The following KIF18A variants were observed in gnomAD, a reference collection of about 807,000 sequenced individuals.
The protein encoded by KIF18A is kinesin-like protein KIF18A.
A neutral mutation model predicts 103.3 loss-of-function variants in KIF18A; 67 were observed. The observed-to-expected ratio is 0.65, with a 90% confidence interval of 0.53 to 0.79. KIF18A has a LOEUF of 0.79. Among genes scored for constraint, KIF18A ranks in the 30% least tolerant of loss-of-function variants. The pLI, the probability that KIF18A is intolerant of heterozygous loss-of-function variation, is 0.00. For synonymous variants in KIF18A, 367 were observed against 355.5 expected (o/e 1.03, Z -0.36); for missense variants, 1,032 against 1,062.5 (o/e 0.97, Z 0.40).
chr11:28,107,121 A>T (rs1418649174), intron 1 of KIF18A, among the ~76,000 whole-genome samples: 3 of 152,350 alleles, frequency 2.0e-5, no homozygotes, highest in African/African-American at 7.2e-5. Context: ...AAGAAGCACT[A>T]TCTAGTCATT....
At position 28,058,285 on chromosome 11, in the gene KIF18A, T is replaced by A. The variant is rs1850807927; in HGVS notation, c.1948+641A>T. Among the ~76,000 whole-genome samples, 4 of 151,696 alleles carry A rather than the reference T, an allele frequency of 2.6e-5. No homozygotes were observed. The South Asian group carries it at 8.3e-4, about 32-fold the overall frequency. On this transcript the variant is annotated intron_variant, in intron 13 of 16. Coordinates refer to ENST00000263181, the MANE Select transcript of KIF18A (RefSeq NM_031217.4). ...ATTATTATCATAAAATATGATATGA[T>A]TAATTATAATTTCCTGCCCTTAATA...
intron 14 of KIF18A, 41 bp downstream of exon 14, chr11:28,036,176 A>G (rs1209955329): frequency 7.6e-7 from 1 of 1,316,492 alleles, no homozygotes; most frequent in Non-Finnish European, 1.0e-6. Flanking sequence ...TTGAAAGTCT[A>G]TGTTAAAAAA....
rs758258412 is a variant in KIF18A at position 28,094,663 on chromosome 11, T to C, written c.463A>G (p.Thr155Ala). ...CTTACCTCCAGATATGAAACTGCAG[T>C]ACTACATATTTTCTCTTCTTTAATC... is the stretch of plus-strand genomic sequence containing the variant. ...DEIKEEKICS[T>A]AVSYLEVYNE... The change falls in exon 3 of 17, where the codon ACT becomes GCT. Residue 155 changes from threonine to alanine, a missense_variant. Transcript: ENST00000263181. The C allele has an allele frequency of 2.5e-6, 4 of 1,610,312 alleles. No homozygotes were observed. The highest frequency in any genetic ancestry group is 1.7e-6 in the Non-Finnish European group (2 of 1,176,626).
intron 10 of KIF18A, among the ~76,000 whole-genome samples, chr11:28,070,761 G>C (rs1240855623): frequency 6.6e-6 from 1 of 152,218 alleles, no homozygotes; most frequent in Non-Finnish European, 1.5e-5. Flanking sequence ...TACAATGCAG[G>C]CTGGGATGGT....
chr11:28,097,027 T>G (rs907625021), intron 2 of KIF18A, among the ~76,000 whole-genome samples: 1 of 152,106 alleles, frequency 6.6e-6, no homozygotes, highest in Non-Finnish European at 1.5e-5. Flanking sequence ...TTTCCAATTT[T>G]TATTTTAGGT....
At chr11:28,102,365 T>C (rs572120610) in intron 1 of KIF18A, among the ~76,000 whole-genome samples, 1 of 152,290 alleles carries the variant, frequency 6.6e-6, no homozygotes, top group East Asian at 1.9e-4. Context: ...TACCTATAGC[T>C]TGGAAGCCCC....
chr11:28,022,375 C>T (rs373314582), intron 16 of KIF18A, among the ~76,000 whole-genome samples: 61 of 152,132 alleles, frequency 4.0e-4, no homozygotes, highest in African/African-American at 1.4e-3. Flanking sequence ...CGCCATTCTC[C>T]TGCCTCAGCT....
chr11:28,067,435 T>A (rs952929210), intron 11 of KIF18A, among the ~76,000 whole-genome samples: 1 of 152,146 alleles, frequency 6.6e-6, no homozygotes, highest in African/African-American at 2.4e-5. Flanking sequence ...CATCATTAAC[T>A]ACTACTGCTA....
At chr11:28,035,348 T>C (rs1449890218) in intron 15 of KIF18A, 39 bp downstream of exon 15, 4 of 1,094,300 alleles carry the variant, frequency 3.7e-6, no homozygotes, top group Non-Finnish European at 5.4e-6. Context: ...GATTATCTTA[T>C]ATAACTACAG....
Position 28,036,455 on chromosome 11 carries a change from C to T in KIF18A, c.2158G>A (p.Val720Ile). Residue 720 changes from valine to isoleucine, a missense_variant, in exon 14 of 17, where the codon GTA (valine) becomes ATA (isoleucine). Physicochemically the swap from Val to Ile is conservative, Grantham distance 29 (BLOSUM62 3). Coordinates refer to ENST00000263181, the MANE Select transcript of KIF18A (RefSeq NM_031217.4). ...AATGATGATGGTTTCATTAAGGTTA[C>T]TGTAGACGGATTTTGAAAAGCTTTT... ...CRKAFQNPST[V>I]TLMKPSSFTT... The T allele has an allele frequency of 6.2e-7, 1 of 1,611,044 alleles. No individual in the cohort carries two copies. The highest frequency in any genetic ancestry group is 8.5e-7 in the Non-Finnish European group (1 of 1,178,038).
intron 15 of KIF18A, among the ~76,000 whole-genome samples, chr11:28,028,155 A>AT (rs2133485318): frequency 6.6e-6 from 1 of 152,174 alleles, no homozygotes; most frequent in East Asian, 1.9e-4. Context: ...TCCCTTTATG[A>AT]TAAAAACTCT....
At chr11:28,073,045 C>A (rs1851041326) in intron 10 of KIF18A, among the ~76,000 whole-genome samples, 1 of 152,104 alleles carries the variant, frequency 6.6e-6, no homozygotes, top group Admixed American at 6.6e-5. Context: ...CTCCTAGCAA[C>A]CAACAATTTC....
intron 1 of KIF18A, among the ~76,000 whole-genome samples, chr11:28,101,100 A>C (rs1376217021): frequency 9.9e-5 from 15 of 152,108 alleles, no homozygotes; most frequent in Admixed American, 8.5e-4. Context: ...CAATGGGCTT[A>C]TGACTAGCAC....
intron 1 of KIF18A, among the ~76,000 whole-genome samples, chr11:28,099,573 C>T (rs1851420161): frequency 6.6e-6 from 1 of 152,198 alleles, no homozygotes; most frequent in East Asian, 1.9e-4. Flanking sequence ...ATCCTATAAA[C>T]TTACACATTT....
intron 11 of KIF18A, 120 bp from the exon 12 acceptor site, chr11:28,062,636 T>G: frequency 1.4e-6 from 1 of 733,304 alleles, no homozygotes; most frequent in Non-Finnish European, 1.9e-6. Context: ...AAATAATATG[T>G]TTAGAAACAA....
chr11:28,090,161 T>C (rs902185780), intron 5 of KIF18A, among the ~76,000 whole-genome samples: 5 of 152,190 alleles, frequency 3.3e-5, no homozygotes, highest in African/African-American at 1.2e-4. Flanking sequence ...TAGCTCTTTC[T>C]GGAATTGTAT....
chr11:28,022,875 C>G (rs1850264644), intron 16 of KIF18A, among the ~76,000 whole-genome samples: 1 of 152,154 alleles, frequency 6.6e-6, no homozygotes, highest in African/African-American at 2.4e-5. Flanking sequence ...TTTTATATTA[C>G]TCTAATCAAA....
At chr11:28,060,175 T>C (rs1367459526) in intron 12 of KIF18A, among the ~76,000 whole-genome samples, 1 of 152,154 alleles carries the variant, frequency 6.6e-6, no homozygotes, top group Non-Finnish European at 1.5e-5. Context: ...GTTATAAATT[T>C]ATACACTCAA....
intron 16 of KIF18A, among the ~76,000 whole-genome samples, chr11:28,022,336 C>T (rs898278805): frequency 4.0e-5 from 6 of 151,438 alleles, no homozygotes; most frequent in Non-Finnish European, 7.4e-5. Flanking sequence ...GCGATCTCGG[C>T]TCACTGCAAG....
Sources: gnomAD v4.1 joint callset for allele counts (sites outside exome capture counted in the v4.1 genomes callset) on GRCh38, gnomAD v4.1.1 for gene constraint, MANE v1.5 for transcripts, NCBI Gene and HGNC (gene_info 2026-07-23, HGNC 2026-07-21) for gene names.